Variants in SMYD3 observed in about 807,000 individuals in gnomAD.
SMYD3 encodes the protein SET and MYND domain containing 3.
SMYD3 carries 36 observed loss-of-function variants against 57.7 expected under a neutral mutation model. The observed-to-expected ratio is 0.62, with a 90% CI of 0.48 to 0.82. The LOEUF (loss-of-function observed/expected upper bound fraction) is 0.82, where lower values mean the gene tolerates loss of function less well. Among genes scored for constraint, SMYD3 ranks in the 40% least tolerant of loss-of-function variants. The pLI, the probability that SMYD3 is intolerant of heterozygous loss-of-function variation, is 0.00. For synonymous variants in SMYD3, 211 were observed against 195.0 expected, an observed-to-expected ratio of 1.08 and a Z score of -0.68; for missense variants, 515 against 538.8, an observed-to-expected ratio of 0.96 and a Z score of 0.44.
intron 1 of SMYD3, among the ~76,000 whole-genome samples, chr1:246,469,491 A>T (rs1423315251): frequency 6.6e-6 from 1 of 152,156 alleles, no homozygotes; most frequent in East Asian, 1.9e-4. Context: ...GTTCCTAAAA[A>T]TTATGGAGGT....
chr1:245,823,809 C>T lies in SMYD3; in HGVS notation c.1076+34687G>A, dbSNP rs1467372828. Among the ~76,000 whole-genome samples the T allele has an allele frequency of 2.6e-5, 4 of 152,184 alleles. No individual in the cohort carries two copies. The South Asian group carries it at 8.3e-4, about 32-fold the overall frequency. On this transcript the variant is annotated intron_variant, in intron 10 of 11. Transcript: ENST00000490107. ...TGGAAGCACTTCTCTGATTTAGTAC[C>T]AAACTTGCTCCAGGATAAAACTGCA...
intron 2 of SMYD3, among the ~76,000 whole-genome samples, chr1:246,352,986 G>A (rs1362600445): frequency 2.0e-5 from 3 of 152,118 alleles, no homozygotes; most frequent in African/African-American, 7.2e-5. Flanking sequence ...TTAATCTGAA[G>A]TTCCTAGAAA....
At chr1:246,155,799 G>A (rs2062013165) in intron 5 of SMYD3, among the ~76,000 whole-genome samples, 1 of 151,842 alleles carries the variant, frequency 6.6e-6, no homozygotes, top group African/African-American at 2.4e-5. Context: ...GGCCAATATG[G>A]GAAAATCCCA....
At chr1:246,313,824 A>T (rs2065116859) in intron 5 of SMYD3, among the ~76,000 whole-genome samples, 1 of 152,232 alleles carries the variant, frequency 6.6e-6, no homozygotes, top group Non-Finnish European at 1.5e-5. Flanking sequence ...ATAGCATAGA[A>T]AATGTTTAAA....
rs147063964 is a variant in SMYD3 at position 245,807,554 on chromosome 1, C to A, written c.1077-43405G>T. On this transcript the variant is annotated intron_variant, in intron 10 of 11. Coordinates refer to ENST00000490107, the MANE Select transcript of SMYD3 (RefSeq NM_001167740.2). Reference sequence around the variant, plus strand: ...GGCAGCAGAGAGAGAATTACCGGCACACATTAGTGAGAGCAATCGCAGCCA... The same window carrying A: ...GGCAGCAGAGAGAGAATTACCGGCAAACATTAGTGAGAGCAATCGCAGCCA... 1.7e-4 allele frequency among the ~76,000 whole-genome samples: 26 copies of A among 152,260 alleles called. No homozygotes were observed. The East Asian group carries it at 5.0e-3, about 29-fold the overall frequency.
chr1:246,233,153 T>C, intron 5 of SMYD3, among the ~76,000 whole-genome samples: 2 of 109,094 alleles, frequency 1.8e-5, no homozygotes, highest in African/African-American at 3.3e-5. Flanking sequence ...AAACGCTCCT[T>C]CAATTCACAC....
intron 5 of SMYD3, among the ~76,000 whole-genome samples, chr1:246,046,779 T>C (rs1328761267): frequency 6.6e-6 from 1 of 150,984 alleles, no homozygotes; most frequent in African/African-American, 2.4e-5. Flanking sequence ...TAATAAAAAA[T>C]CCAACTCTAA....
At chr1:246,365,156 C>T (rs1183827621) in intron 1 of SMYD3, among the ~76,000 whole-genome samples, 1 of 151,962 alleles carries the variant, frequency 6.6e-6, no homozygotes, top group South Asian at 2.1e-4. Flanking sequence ...AAAAATGACC[C>T]ATATACAATA....
chr1:245,793,740 T>G (rs904113205), intron 10 of SMYD3, among the ~76,000 whole-genome samples: 8 of 152,126 alleles, frequency 5.3e-5, no homozygotes, highest in African/African-American at 1.9e-4. Flanking sequence ...GGACCAACCA[T>G]ATTAGCTTAG....
Position 246,394,743 on chromosome 1 carries a change from G to C in SMYD3, c.165-39649C>G, listed in dbSNP as rs559706217. ...CTAGCTATGCCTTATTATGTGAGAG[G>C]CTCCCAAACTTAGCTAAGCTTTATG... On this transcript the variant is annotated intron_variant, in intron 1 of 11. Transcript: ENST00000490107. Among the ~76,000 whole-genome samples, 3 of 149,788 alleles carry C rather than the reference G, an allele frequency of 2.0e-5. No homozygotes were observed. The East Asian group carries it at 6.0e-4, about 30-fold the overall frequency.
At chr1:246,458,791 A>G (rs184096967) in intron 1 of SMYD3, among the ~76,000 whole-genome samples, 1 of 152,126 alleles carries the variant, frequency 6.6e-6, no homozygotes, top group Non-Finnish European at 1.5e-5. Context: ...AATACAGTAC[A>G]TTATATCCAT....
chr1:246,141,724 G>A (rs6656991), intron 5 of SMYD3, among the ~76,000 whole-genome samples: 196 of 152,232 alleles, frequency 1.3e-3, no homozygotes, highest in African/African-American at 4.7e-3. Flanking sequence ...AAACAGTCCA[G>A]AATTCATAAA....
At chr1:246,277,268 A>C (rs1466420802) in intron 5 of SMYD3, among the ~76,000 whole-genome samples, 6 of 152,228 alleles carry the variant, frequency 3.9e-5, no homozygotes, top group African/African-American at 1.4e-4. Context: ...TAAAACGCTC[A>C]ACATCATTTA....
At chr1:246,323,263 G>C (rs535212684) in intron 5 of SMYD3, among the ~76,000 whole-genome samples, 1 of 152,186 alleles carries the variant, frequency 6.6e-6, no homozygotes, top group Non-Finnish European at 1.5e-5. Context: ...ATTAGGGTGT[G>C]TGTGTATTAA....
rs576094411 is a variant in SMYD3 at position 246,507,050 on chromosome 1, G to A, written c.164+4C>T. 32 of 1,398,728 alleles carry A rather than the reference G, an allele frequency of 2.3e-5. No homozygotes were observed. The South Asian group carries it at 3.5e-4, about 15-fold the overall frequency. 86.6% of individuals were successfully genotyped at this position (1,398,728 alleles called of 1,614,324 possible). Reference sequence around the variant, plus strand: ...TCAGGTAGGCGAGGGCGCTCCTTACGCACCCGAGAAGGCAGCGGTCGCAGA... The same window carrying A: ...TCAGGTAGGCGAGGGCGCTCCTTACACACCCGAGAAGGCAGCGGTCGCAGA... On this transcript the variant is annotated splice_donor_region_variant and intron_variant, in intron 1 of 11. Coordinates refer to ENST00000490107, the MANE Select transcript of SMYD3 (RefSeq NM_001167740.2).
At chr1:245,981,698 C>G (rs2058600411) in intron 5 of SMYD3, among the ~76,000 whole-genome samples, 1 of 152,192 alleles carries the variant, frequency 6.6e-6, no homozygotes, top group Non-Finnish European at 1.5e-5. Context: ...AAAAGCCAGA[C>G]TTTCTGAGAA....
rs571959770 is a variant in SMYD3, at chr1:245,867,116, G to T, written c.814-3230C>A. 2.6e-4 allele frequency among the ~76,000 whole-genome samples: 39 copies of T among 152,330 alleles called. 1 individual carries two copies. Among genetic ancestry groups the T allele is most frequent in the Admixed American group, 1.9e-3 (29 of 15,302 alleles). ...AATCAGCTGACCTTAAAATAGCTGA[G>T]AGTATCCCGGACTTTCCAGGTGGGT... On this transcript the variant is annotated intron_variant, in intron 8 of 11. Transcript: ENST00000490107.
At chr1:245,896,683 A>C (rs905717136) in intron 8 of SMYD3, among the ~76,000 whole-genome samples, 2 of 152,314 alleles carry the variant, frequency 1.3e-5, no homozygotes, top group East Asian at 3.9e-4. Flanking sequence ...CTAGATATTT[A>C]CAGGAAGCTG....
At chr1:246,141,823 C>G (rs986091620) in intron 5 of SMYD3, among the ~76,000 whole-genome samples, 5 of 152,174 alleles carry the variant, frequency 3.3e-5, no homozygotes, top group Non-Finnish European at 4.4e-5. Flanking sequence ...TGATTGAGTT[C>G]TATGTTCAGT....
Sources: gnomAD v4.1 joint callset for allele counts (sites outside exome capture counted in the v4.1 genomes callset) on GRCh38, gnomAD v4.1.1 for gene constraint, MANE v1.5 for transcripts, NCBI Gene and HGNC (gene_info 2026-07-23, HGNC 2026-07-21) for gene names.